Variants in PITPNM3 observed in about 807,000 individuals in gnomAD.
PITPNM3 encodes the protein membrane-associated phosphatidylinositol transfer protein 3.
Under a neutral mutation model 102.0 loss-of-function variants are expected in PITPNM3, and 26 were observed. The ratio of observed to expected loss-of-function variants is 0.25; its 90% CI spans 0.19 to 0.35. PITPNM3 has a LOEUF of 0.35. Among genes scored for constraint, PITPNM3 ranks in the 10% least tolerant of loss-of-function variants. PITPNM3 has a pLI of 1.00. For missense variants in PITPNM3, 1,083 were observed against 1,346.1 expected (o/e 0.80, Z 3.06); for synonymous variants, 578 against 558.6 (o/e 1.03, Z -0.49).
chr17:6,500,595 C>G (rs1907110300), intron 4 of PITPNM3, among the ~76,000 whole-genome samples: 2 of 152,262 alleles, frequency 1.3e-5, no homozygotes, highest in South Asian at 4.1e-4. Context: ...TTGGGCATCC[C>G]CAACCTAGAC....
At chr17:6,544,654 TCA>T (rs754945876) in intron 1 of PITPNM3, among the ~76,000 whole-genome samples, 29 of 130,264 alleles carry the variant, frequency 2.2e-4, no homozygotes, top group African/African-American at 6.1e-4. Context: ...TCTCTCTCTC[TCA>T]CACACACACA....
chr17:6,473,407 C>T (rs1361458426), intron 10 of PITPNM3, among the ~76,000 whole-genome samples: 1 of 152,092 alleles, frequency 6.6e-6, no homozygotes, highest in Admixed American at 6.5e-5. Flanking sequence ...GTCCAGCATC[C>T]AGGGAGCCCT....
rs557960041 is a variant in PITPNM3 at position 6,505,152 on chromosome 17, G to C, written c.227-1578C>G. ...GATCACGCCACTGCACTCCAGCCTG[G>C]GTGACAGAATGAGACTCCGTCTCCA... On this transcript the variant is annotated intron_variant, in intron 3 of 19. Coordinates refer to ENST00000262483, the MANE Select transcript of PITPNM3 (RefSeq NM_031220.4). Among the ~76,000 whole-genome samples, 6 of 147,978 alleles carry C rather than the reference G, an allele frequency of 4.1e-5. 1 individual carries two copies. The South Asian group carries it at 6.4e-4, about 16-fold the overall frequency.
rs148575157 is a variant in PITPNM3 at position 6,543,922 on chromosome 17, G to A, written c.23-5840C>T. 5.3e-5 allele frequency among the ~76,000 whole-genome samples: 8 copies of A among 152,304 alleles called. No individual in the cohort carries two copies. The East Asian group carries it at 1.4e-3, about 26-fold the overall frequency. On this transcript the variant is annotated intron_variant, in intron 1 of 19. Transcript: ENST00000262483. ...GGGAGAGACACAGGCCAAAACAATCGAGCCCTTTCCAAGGAAAGCTGGATC... is the reference window on the plus strand; with the variant it reads ...GGGAGAGACACAGGCCAAAACAATCAAGCCCTTTCCAAGGAAAGCTGGATC...
At chr17:6,529,767 A>G (rs539466713) in intron 2 of PITPNM3, among the ~76,000 whole-genome samples, 1 of 152,180 alleles carries the variant, frequency 6.6e-6, no homozygotes, top group East Asian at 1.9e-4. Flanking sequence ...CTGGACCACA[A>G]GATTGCTCAC....
At chr17:6,503,742 C>T (rs1052423186) in intron 3 of PITPNM3, among the ~76,000 whole-genome samples, 168 bp from the exon 4 acceptor site, 3 of 152,278 alleles carry the variant, frequency 2.0e-5, no homozygotes, top group South Asian at 4.1e-4. Context: ...CTGACCTAGC[C>T]CTTGGCCCTT....
chr17:6,476,978 C>A, intron 9 of PITPNM3, 51 bp downstream of exon 9: 1 of 1,597,498 alleles, frequency 6.3e-7, no homozygotes. Context: ...CACAGCCCTC[C>A]CAGTTGGCTC....
rs150891155 is a variant in PITPNM3, at chr17:6,552,946, A to G, written c.22+3439T>C. ...CACGCCTGGCTAATTTTGTTTTTGT[A>G]TTTTTAGTAGAGACGGGGTTTCACC... On this transcript the variant is annotated intron_variant, in intron 1 of 19. Coordinates refer to ENST00000262483, the MANE Select transcript of PITPNM3 (RefSeq NM_031220.4). Among the ~76,000 whole-genome samples, 12 of 151,220 alleles carry G rather than the reference A, an allele frequency of 7.9e-5. No homozygotes were observed. The East Asian group carries it at 2.3e-3, about 30-fold the overall frequency.
At chr17:6,483,434 C>T (rs1013953729) in intron 6 of PITPNM3, 83 bp downstream of exon 6, 28 of 1,342,244 alleles carry the variant, frequency 2.1e-5, no homozygotes, top group African/African-American at 8.7e-5. Context: ...CACCTGCCCA[C>T]GGGGTCCATG....
chr17:6,468,206 G>A lies in PITPNM3; in HGVS notation c.1890+19C>T, dbSNP rs773861801. 1.2e-5 allele frequency: 20 copies of A among 1,608,460 alleles called. No individual in the cohort carries two copies. The highest frequency in any genetic ancestry group is 3.3e-5 in the Admixed American group (2 of 59,994). On this transcript the variant is annotated intron_variant, in intron 14 of 19. Coordinates refer to ENST00000262483, the MANE Select transcript of PITPNM3 (RefSeq NM_031220.4). The surrounding 1 kb of genome is among the most constrained non-coding windows in gnomAD (Gnocchi z 5.2). ...GGAGGACACAGTCCCAGCCACATGCGAACTGAGCATGCACGCACCCTCAGC... is the reference window on the plus strand; with the variant it reads ...GGAGGACACAGTCCCAGCCACATGCAAACTGAGCATGCACGCACCCTCAGC...
At chr17:6,483,165 T>C (rs1905845538) in intron 6 of PITPNM3, among the ~76,000 whole-genome samples, 2 of 152,026 alleles carry the variant, frequency 1.3e-5, no homozygotes, top group Non-Finnish European at 2.9e-5. Context: ...AGGATGGTCT[T>C]GATCTTCTGA....
intron 1 of PITPNM3, among the ~76,000 whole-genome samples, chr17:6,548,221 G>A (rs1910129799): frequency 6.6e-6 from 1 of 152,142 alleles, no homozygotes; most frequent in Non-Finnish European, 1.5e-5. Flanking sequence ...CTGCAACTGA[G>A]CAAAGATGGG....
At chr17:6,548,872 C>G (rs999396439) in intron 1 of PITPNM3, among the ~76,000 whole-genome samples, 1 of 152,126 alleles carries the variant, frequency 6.6e-6, no homozygotes, top group African/African-American at 2.4e-5. Flanking sequence ...GAGCCCAACG[C>G]GTTTCTATTT....
intron 1 of PITPNM3, among the ~76,000 whole-genome samples, chr17:6,542,756 C>A (rs1460599791): frequency 6.6e-6 from 1 of 152,234 alleles, no homozygotes; most frequent in Non-Finnish European, 1.5e-5. Context: ...GGTAAGCCCA[C>A]CTGAGGGGCT....
chr17:6,514,925 G>T (rs1004869216), intron 3 of PITPNM3, among the ~76,000 whole-genome samples: 1 of 152,184 alleles, frequency 6.6e-6, no homozygotes, highest in Non-Finnish European at 1.5e-5. Context: ...AAAACAAAAT[G>T]AAGCACTGAC....
At chr17:6,489,072 T>C (rs1025673429) in intron 4 of PITPNM3, among the ~76,000 whole-genome samples, 2 of 152,192 alleles carry the variant, frequency 1.3e-5, no homozygotes, top group Non-Finnish European at 2.9e-5. Context: ...GTTTGCTTAA[T>C]CACAGCCTTG....
At chr17:6,550,943 G>A (rs1263992871) in intron 1 of PITPNM3, among the ~76,000 whole-genome samples, 3 of 152,224 alleles carry the variant, frequency 2.0e-5, no homozygotes, top group Non-Finnish European at 4.4e-5. Flanking sequence ...AAACGTCTCA[G>A]GCTGGGACCT....
intron 1 of PITPNM3, among the ~76,000 whole-genome samples, chr17:6,554,394 A>C: frequency 6.6e-6 from 1 of 151,556 alleles, no homozygotes; most frequent in East Asian, 1.9e-4. Flanking sequence ...TGAGCTGAGA[A>C]GGGAGAGGTA....
At chr17:6,527,480 T>C (rs1908900293) in intron 2 of PITPNM3, among the ~76,000 whole-genome samples, 1 of 152,164 alleles carries the variant, frequency 6.6e-6, no homozygotes, top group Non-Finnish European at 1.5e-5. Context: ...GGTATCATCA[T>C]CACCAGCACC....
Sources: allele counts gnomAD v4.1 joint callset (sites outside exome capture counted in the v4.1 genomes callset), GRCh38; gene constraint gnomAD v4.1.1; non-coding constraint Gnocchi (gnomAD v3.1); transcripts MANE v1.5; gene names NCBI Gene and HGNC (gene_info 2026-07-23, HGNC 2026-07-21).